The following TNKS variants were observed in gnomAD, a reference collection of about 807,000 sequenced individuals.
TNKS encodes the protein tankyrase.
TNKS carries 72 observed loss-of-function variants against 135.8 expected under a neutral mutation model. That is an observed-to-expected ratio of 0.53 (90% CI 0.44 to 0.64). The LOEUF (loss-of-function observed/expected upper bound fraction) is 0.64, where lower values mean the gene tolerates loss of function less well. Ranked by LOEUF, TNKS falls within the 30% of genes least tolerant of loss-of-function variation. TNKS has a pLI of 0.00. For synonymous variants in TNKS, 849 were observed against 649.3 expected (o/e 1.31, Z -4.68); for missense variants, 1,769 against 1,674.0 (o/e 1.06, Z -0.99).
chr8:9,707,076 A>G, intron 8 of TNKS, 79 bp downstream of exon 8: 1 of 1,213,808 alleles, frequency 8.2e-7, no homozygotes, highest in Non-Finnish European at 1.1e-6. Context: ...ACCTTAAATA[A>G]TAACCTTCCA....
intron 26 of TNKS, among the ~76,000 whole-genome samples, chr8:9,774,871 T>G (rs1404903968): frequency 1.3e-5 from 2 of 152,180 alleles, no homozygotes; most frequent in Non-Finnish European, 1.5e-5. Context: ...TCATAGAAAG[T>G]ATTATAGATA....
chr8:9,732,740 C>T (rs1805506672), intron 14 of TNKS, among the ~76,000 whole-genome samples: 1 of 152,160 alleles, frequency 6.6e-6, no homozygotes, highest in Non-Finnish European at 1.5e-5. Context: ...GAATAGTTTG[C>T]CCATTTCTCA....
chr8:9,679,698 G>T, intron 3 of TNKS: 1 of 436,378 alleles, frequency 2.3e-6, no homozygotes, highest in Admixed American at 3.5e-5. Context: ...ACGAGATTTA[G>T]CATTCATTGG....
intron 2 of TNKS, among the ~76,000 whole-genome samples, chr8:9,614,205 A>G (rs1799558086): frequency 6.6e-6 from 1 of 152,226 alleles, no homozygotes; most frequent in Admixed American, 6.5e-5. Flanking sequence ...TGAAAGAGTA[A>G]CTACACTTTG....
chr8:9,575,476 A>G (rs1245533570), intron 1 of TNKS: 1 of 951,292 alleles, frequency 1.1e-6, no homozygotes, highest in Non-Finnish European at 1.3e-6. Flanking sequence ...TGACCAACCA[A>G]AAAGAAAAGA....
At chr8:9,656,139 A>G (rs1425088936) in intron 3 of TNKS, among the ~76,000 whole-genome samples, 1 of 152,234 alleles carries the variant, frequency 6.6e-6, no homozygotes, top group Non-Finnish European at 1.5e-5. Context: ...AAGAAAGAGT[A>G]TCAGCGATGG....
chr8:9,626,829 G>A (rs1800074786), intron 3 of TNKS, among the ~76,000 whole-genome samples: 1 of 152,146 alleles, frequency 6.6e-6, no homozygotes, highest in Non-Finnish European at 1.5e-5. Context: ...TAATCGCAAT[G>A]GCTATACTAT....
intron 5 of TNKS, among the ~76,000 whole-genome samples, chr8:9,702,597 C>T (rs1803859639): frequency 6.6e-6 from 1 of 152,142 alleles, no homozygotes; most frequent in Admixed American, 6.5e-5. Flanking sequence ...AGTGAAGAGT[C>T]CTGAAAGTAA....
At chr8:9,628,976 T>C (rs1800177181) in intron 3 of TNKS, among the ~76,000 whole-genome samples, 1 of 152,244 alleles carries the variant, frequency 6.6e-6, no homozygotes, top group African/African-American at 2.4e-5. Flanking sequence ...CTTGTTGTCT[T>C]ACCTTGTGTT....
At chr8:9,567,444 C>G (rs28659851) in intron 1 of TNKS, among the ~76,000 whole-genome samples, 10,993 of 152,176 alleles carry the variant, frequency 0.072, 1,085 homozygotes, top group African/African-American at 0.23. Flanking sequence ...GAGACGGAGT[C>G]TCGCTCTGTC....
chr8:9,703,860 G>A (rs1803930292), intron 5 of TNKS, among the ~76,000 whole-genome samples: 1 of 152,128 alleles, frequency 6.6e-6, no homozygotes, highest in Admixed American at 6.6e-5. Context: ...TTGCAGAGAA[G>A]TTTTTAATTA....
chr8:9,589,073 G>A (rs1008712321), intron 2 of TNKS, among the ~76,000 whole-genome samples: 1 of 152,116 alleles, frequency 6.6e-6, no homozygotes, highest in African/African-American at 2.4e-5. Flanking sequence ...GACTGAAAAC[G>A]GGATTATTTC....
chr8:9,605,042 A>G lies in TNKS; in HGVS notation c.899-10540A>G, dbSNP rs141298199. 7.6e-4 allele frequency among the ~76,000 whole-genome samples: 116 copies of G among 152,226 alleles called. 1 individual carries two copies. Among genetic ancestry groups the G allele is most frequent in the African/African-American group, 2.4e-3 (101 of 41,568 alleles). On this transcript the variant is annotated intron_variant, in intron 2 of 26. Coordinates refer to ENST00000310430, the MANE Select transcript of TNKS (RefSeq NM_003747.3). ...TTTATCAAGTTTGAAGTAATGAAAT[A>G]AAATGAATATATTTTGAGTATACAT...
At position 9,777,626 on chromosome 8, in the gene TNKS, A is replaced by T. The variant is rs911060801; in HGVS notation, c.*890A>T. 2 of 152,372 alleles carry T rather than the reference A, an allele frequency of 1.3e-5. No individual in the cohort carries two copies. Among genetic ancestry groups the T allele is most frequent in the Admixed American group, 6.5e-5 (1 of 15,284 alleles). The allele number at this position is 152,372 out of a possible 1,614,324, so 9.4% of individuals were successfully genotyped here. ...AAAACTGGGGAGGCTGTGAAGGAAG[A>T]GCTGCATTAAGGAGGGTGAGGAGCG... On this transcript the variant is annotated 3_prime_UTR_variant, in exon 27 of 27. Transcript: ENST00000310430.
At chr8:9,663,640 T>C (rs890614637) in intron 3 of TNKS, among the ~76,000 whole-genome samples, 3 of 152,240 alleles carry the variant, frequency 2.0e-5, no homozygotes, top group Non-Finnish European at 4.4e-5. Flanking sequence ...TCTATACTTC[T>C]TATCTGCTGG....
At chr8:9,757,579 C>T (rs1051158699) in intron 20 of TNKS, among the ~76,000 whole-genome samples, 2 of 152,124 alleles carry the variant, frequency 1.3e-5, no homozygotes, top group African/African-American at 4.8e-5. Flanking sequence ...CTGCTCCTTC[C>T]TTCCCAGCCC....
intron 3 of TNKS, among the ~76,000 whole-genome samples, chr8:9,630,290 A>G (rs2128771329): frequency 6.6e-6 from 1 of 152,316 alleles, no homozygotes; most frequent in African/African-American, 2.4e-5. Context: ...TGCTTCATAG[A>G]CTAGCACTGT....
At chr8:9,687,266 G>C (rs1203245261) in intron 5 of TNKS, among the ~76,000 whole-genome samples, 1 of 152,130 alleles carries the variant, frequency 6.6e-6, no homozygotes, top group Admixed American at 6.5e-5. Context: ...TCAAAATGCA[G>C]TAAGTCTGCA....
In TNKS at chr8:9,649,888, T is replaced by C. The variant is rs1449205492; in HGVS notation, c.995-30063T>C. Among the ~76,000 whole-genome samples, 3 of 94,072 alleles carry C rather than the reference T, an allele frequency of 3.2e-5. No individual in the cohort carries two copies. In the Admixed American group the frequency reaches 4.3e-4, roughly 14 times the overall value. 61.7% of individuals were successfully genotyped at this position (94,072 alleles called of 152,430 possible). A position where few individuals can be genotyped will look rare whatever the true frequency, so the allele number is the denominator to read the frequency against. On this transcript the variant is annotated intron_variant, in intron 3 of 26. Coordinates refer to ENST00000310430, the MANE Select transcript of TNKS (RefSeq NM_003747.3). ...TCTTTCTTTTCTTTTCTTTTTTTTT[T>C]TTTTTTTTTTTTTTTTTTTGAGATG...
Sources: gnomAD v4.1 joint callset for allele counts (sites outside exome capture counted in the v4.1 genomes callset) on GRCh38, gnomAD v4.1.1 for gene constraint, MANE v1.5 for transcripts, NCBI Gene and HGNC (gene_info 2026-07-23, HGNC 2026-07-21) for gene names.